CCDC148: variants seen among roughly 807,000 people sequenced by gnomAD.
The protein encoded by CCDC148 is coiled-coil domain-containing protein 148.
In CCDC148, 89 loss-of-function variants were observed where a neutral mutation model predicts 85.7. The observed-to-expected ratio is 1.04, with a 90% confidence interval of 0.87 to 1.24. The LOEUF is 1.24. Among genes scored for constraint, CCDC148 ranks in the 50% most tolerant of loss-of-function variants. CCDC148 has a pLI of 0.00. For missense variants in CCDC148, 692 were observed against 671.7 expected (o/e 1.03, Z -0.33); for synonymous variants, 230 against 213.9 (o/e 1.08, Z -0.66).
At chr2:158,300,358 A>C (rs1396518409) in intron 9 of CCDC148, among the ~76,000 whole-genome samples, 1 of 152,230 alleles carries the variant, frequency 6.6e-6, no homozygotes, top group Admixed American at 6.5e-5. Context: ...GCTTACACCA[A>C]GATGAATAAG....
At chr2:158,271,034 A>G (rs1315059521) in intron 9 of CCDC148, among the ~76,000 whole-genome samples, 1 of 152,198 alleles carries the variant, frequency 6.6e-6, no homozygotes, top group East Asian at 1.9e-4. Flanking sequence ...TTCTATAAAT[A>G]ATTGTTTAGT....
chr2:158,347,382 T>C (rs186945137), intron 2 of CCDC148, among the ~76,000 whole-genome samples: 1 of 152,218 alleles, frequency 6.6e-6, no homozygotes, highest in East Asian at 1.9e-4. Flanking sequence ...ATTCCAATAT[T>C]TTGCAGAACA....
At chr2:158,359,899 G>A (rs1683855173) in intron 1 of CCDC148, among the ~76,000 whole-genome samples, 1 of 152,152 alleles carries the variant, frequency 6.6e-6, no homozygotes, top group Admixed American at 6.6e-5. Context: ...CACCCATATG[G>A]AGCCCAGCAA....
intron 1 of CCDC148, among the ~76,000 whole-genome samples, chr2:158,450,758 C>T (rs1688373648): frequency 6.6e-6 from 1 of 152,002 alleles, no homozygotes; most frequent in Admixed American, 6.6e-5. Flanking sequence ...TTTCAGCAGG[C>T]TAAGATGTAT....
intron 9 of CCDC148, among the ~76,000 whole-genome samples, chr2:158,253,530 A>C (rs1253572505): frequency 6.6e-6 from 1 of 151,562 alleles, no homozygotes; most frequent in Non-Finnish European, 1.5e-5. Context: ...CTGCTCTCTG[A>C]GTATGTTGAA....
At chr2:158,269,962 T>A (rs2105161363) in intron 9 of CCDC148, among the ~76,000 whole-genome samples, 1 of 152,306 alleles carries the variant, frequency 6.6e-6, no homozygotes, top group South Asian at 2.1e-4. Flanking sequence ...GAACCTACAC[T>A]AATATTCTCT....
chr2:158,275,432 C>T (rs563242391), intron 9 of CCDC148, among the ~76,000 whole-genome samples: 45 of 152,270 alleles, frequency 3.0e-4, no homozygotes, highest in Non-Finnish European at 4.1e-4. Flanking sequence ...TCTGGATGCA[C>T]GAGTGGGAGC....
chr2:158,353,501 G>C (rs9678205), intron 2 of CCDC148, among the ~76,000 whole-genome samples: 26,042 of 150,438 alleles, frequency 0.17, 3,687 homozygotes, highest in African/African-American at 0.4. Flanking sequence ...TAATGGTAAA[G>C]GGATCAATTC....
At chr2:158,326,380 C>T (rs1395328488) in intron 7 of CCDC148, among the ~76,000 whole-genome samples, 1 of 152,156 alleles carries the variant, frequency 6.6e-6, no homozygotes. Flanking sequence ...TTTTTCATAG[C>T]ACTTATCACC....
intron 1 of CCDC148, among the ~76,000 whole-genome samples, chr2:158,439,392 C>A (rs745657000): frequency 1.8e-4 from 27 of 152,076 alleles, no homozygotes; most frequent in Non-Finnish European, 2.9e-4. Flanking sequence ...AACCAAACAC[C>A]GCATGTTCTC....
At chr2:158,272,643 T>C (rs1689750791) in intron 9 of CCDC148, among the ~76,000 whole-genome samples, 1 of 152,150 alleles carries the variant, frequency 6.6e-6, no homozygotes, top group Non-Finnish European at 1.5e-5. Context: ...GATGGATGTA[T>C]AGTAGCTTAT....
chr2:158,428,201 T>C (rs539415167), intron 1 of CCDC148, among the ~76,000 whole-genome samples: 6 of 152,190 alleles, frequency 3.9e-5, no homozygotes, highest in South Asian at 4.2e-4. Flanking sequence ...AGATGAAAGA[T>C]GATATGTAGC....
At chr2:158,359,548 G>T (rs1209124627) in intron 1 of CCDC148, among the ~76,000 whole-genome samples, 1 of 152,148 alleles carries the variant, frequency 6.6e-6, no homozygotes, top group Admixed American at 6.5e-5. Context: ...GAAGCAGGGT[G>T]GGGTGTCACC....
At chr2:158,326,492 A>G (rs1185634249) in intron 7 of CCDC148, among the ~76,000 whole-genome samples, 1 of 152,194 alleles carries the variant, frequency 6.6e-6, no homozygotes, top group Non-Finnish European at 1.5e-5. Context: ...TTATGCCAAT[A>G]AATGTTCAAT....
At chr2:158,433,551 C>T (rs994321822) in intron 1 of CCDC148, among the ~76,000 whole-genome samples, 2 of 152,050 alleles carry the variant, frequency 1.3e-5, no homozygotes, top group Non-Finnish European at 2.9e-5. Flanking sequence ...TCTACAGCTC[C>T]CAGCATGAGC....
chr2:158,397,850 G>T lies in CCDC148; in HGVS notation c.26-39280C>A, dbSNP rs189313536. 4.1e-3 allele frequency among the ~76,000 whole-genome samples: 617 copies of T among 152,176 alleles called. 1 individual carries two copies. Among genetic ancestry groups the T allele is most frequent in the African/African-American group, 0.014 (582 of 41,534 alleles). On this transcript the variant is annotated intron_variant, in intron 1 of 13. Coordinates refer to ENST00000283233, the MANE Select transcript of CCDC148 (RefSeq NM_138803.4). ...CACAGACTAGCAAATTGGATAAAGA[G>T]TCAAGACCCATCAGTGTGCTGTATT...
intron 1 of CCDC148, among the ~76,000 whole-genome samples, chr2:158,396,060 T>C (rs1334661030): frequency 6.6e-6 from 1 of 152,106 alleles, no homozygotes; most frequent in Non-Finnish European, 1.5e-5. Flanking sequence ...CTTATTGTAT[T>C]GTGTCATCAC....
At chr2:158,342,021 C>CTTTTTTTTTTTTTTTT (rs71404402) in intron 3 of CCDC148, among the ~76,000 whole-genome samples, 4 of 85,624 alleles carry the variant, frequency 4.7e-5, no homozygotes, top group African/African-American at 1.1e-4. Context: ...TCATTATTTT[C>CTTTTTTTTTTTTTTTT]TTTTCTTTTT....
chr2:158,283,819 A>G lies in CCDC148; in HGVS notation c.1110+25614T>C, dbSNP rs534024459. 3.5e-3 allele frequency among the ~76,000 whole-genome samples: 533 copies of G among 152,156 alleles called. 1 individual carries two copies. The highest frequency in any genetic ancestry group is 0.012 in the African/African-American group (512 of 41,514). The stretch of plus-strand genomic sequence containing the variant: ...ATAAATCATGCTGCTATAAAGACAC[A>G]TGCACATGTATGTTTATTGTGGCAC... On this transcript the variant is annotated intron_variant, in intron 9 of 13. Transcript: ENST00000283233.
Sources: allele counts gnomAD v4.1 joint callset (sites outside exome capture counted in the v4.1 genomes callset), GRCh38; gene constraint gnomAD v4.1.1; transcripts MANE v1.5; gene names NCBI Gene and HGNC (gene_info 2026-07-23, HGNC 2026-07-21).